KCNQ1: variants seen among roughly 807,000 people sequenced by gnomAD.
The protein encoded by KCNQ1 is potassium voltage-gated channel subfamily Q member 1.
Under a neutral mutation model 72.4 loss-of-function variants are expected in KCNQ1, and 49 were observed. The observed-to-expected ratio is 0.68, with a 90% confidence interval of 0.54 to 0.86. The LOEUF (loss-of-function observed/expected upper bound fraction) is 0.86, where lower values mean the gene tolerates loss of function less well. Among genes scored for constraint, KCNQ1 ranks in the 40% least tolerant of loss-of-function variants. The probability of loss-of-function intolerance (pLI) is 0.00; values close to 1 mark genes in which losing one functional copy is unlikely to be tolerated. For missense variants in KCNQ1, 790 were observed against 945.1 expected, an observed-to-expected ratio of 0.84 and a Z score of 2.15; for synonymous variants, 450 against 412.6, an observed-to-expected ratio of 1.09 and a Z score of -1.10.
chr11:2,783,547 G>A lies in KCNQ1; in HGVS notation c.1794+5510G>A, dbSNP rs916272502. On this transcript the variant is annotated intron_variant, in intron 15 of 15. Transcript: ENST00000155840. The surrounding 1 kb of genome is among the most constrained non-coding windows in gnomAD (Gnocchi z 5.2). ...GATCTATTATTACTGAGAAGGCATA[G>A]GGCAAATTTCTGTTTAACTTTCTAA... is the stretch of plus-strand genomic sequence containing the variant. Among the ~76,000 whole-genome samples, 2 of 152,034 alleles carry A rather than the reference G, an allele frequency of 1.3e-5. No homozygotes were observed. Among genetic ancestry groups the A allele is most frequent in the Non-Finnish European group, 2.9e-5 (2 of 67,932 alleles).
At chr11:2,469,964 T>A (rs1002724151) in intron 1 of KCNQ1, among the ~76,000 whole-genome samples, 2 of 152,108 alleles carry the variant, frequency 1.3e-5, no homozygotes, top group African/African-American at 4.8e-5. Flanking sequence ...CCGGCCCTTT[T>A]AAACAACTTG....
In KCNQ1 at chr11:2,785,247, T is replaced by C. The variant is rs952077825; in HGVS notation, c.1794+7210T>C. On this transcript the variant is annotated intron_variant, in intron 15 of 15. Coordinates refer to ENST00000155840, the MANE Select transcript of KCNQ1 (RefSeq NM_000218.3). This position sits in a 1 kb window ranked among gnomAD's most constrained non-coding sequence, Gnocchi z 4.4. ...GCTCTTTCTGTGTCTAGTGAGATGGTCCTGTGGTTTTTATTCCTTATTCTA... is the reference window on the plus strand; with the variant it reads ...GCTCTTTCTGTGTCTAGTGAGATGGCCCTGTGGTTTTTATTCCTTATTCTA... 1.2e-4 allele frequency among the ~76,000 whole-genome samples: 19 copies of C among 152,014 alleles called. No homozygotes were observed. The highest frequency in any genetic ancestry group is 4.1e-4 in the African/African-American group (17 of 41,450).
chr11:2,755,451 C>G (rs1846284424), intron 11 of KCNQ1, among the ~76,000 whole-genome samples: 1 of 152,186 alleles, frequency 6.6e-6, no homozygotes, highest in Non-Finnish European at 1.5e-5. Context: ...TGGAGTCTCT[C>G]TATGTTGCCT....
At position 2,567,345 on chromosome 11, in the gene KCNQ1, G is replaced by C. The variant is rs1848262658; in HGVS notation, c.478-3283G>C. The stretch of plus-strand genomic sequence containing the variant: ...CTGGGGTCTGGACTGCTGGAACCAG[G>C]GGGAGGCAGGCCTGCCATTCTGTGA... On this transcript the variant is annotated intron_variant, in intron 2 of 15. Coordinates refer to ENST00000155840, the MANE Select transcript of KCNQ1 (RefSeq NM_000218.3). The surrounding 1 kb of genome is among the most constrained non-coding windows in gnomAD (Gnocchi z 6.6). 6.6e-6 allele frequency among the ~76,000 whole-genome samples: 1 copy of C among 152,146 alleles called. No homozygotes were observed.
chr11:2,524,098 C>G (rs756045631), intron 1 of KCNQ1, among the ~76,000 whole-genome samples: 1 of 152,132 alleles, frequency 6.6e-6, no homozygotes, highest in East Asian at 1.9e-4. Flanking sequence ...CTGGGTTACC[C>G]GGGTGAGCCC....
At position 2,562,772 on chromosome 11, in the gene KCNQ1, G is replaced by A. The variant is rs547955952; in HGVS notation, c.478-7856G>A. 2.0e-5 allele frequency among the ~76,000 whole-genome samples: 3 copies of A among 152,252 alleles called. No individual in the cohort carries two copies. The highest frequency in any genetic ancestry group is 2.9e-5 in the Non-Finnish European group (2 of 68,018). On this transcript the variant is annotated intron_variant, in intron 2 of 15. Transcript: ENST00000155840. The surrounding 1 kb of genome is among the most constrained non-coding windows in gnomAD (Gnocchi z 7.5). ...TCCCCAGGCCTAAGTCTATGGGGGCGCCAGGGAGGCCGGCTGTGTTTCTGC... is the reference window on the plus strand; with the variant it reads ...TCCCCAGGCCTAAGTCTATGGGGGCACCAGGGAGGCCGGCTGTGTTTCTGC...
At position 2,752,628 on chromosome 11, in the gene KCNQ1, A is replaced by G. The variant is rs551315895; in HGVS notation, c.1515-16216A>G. Among the ~76,000 whole-genome samples the G allele has an allele frequency of 6.6e-6, 1 of 152,030 alleles. No homozygotes were observed. The highest frequency in any genetic ancestry group is 1.5e-5 in the Non-Finnish European group (1 of 68,010). ...GCAGAAGAGGCAAAAATAAGGTGCA[A>G]ACAAGCTCCCTCAGGCCTCCTTTCC... On this transcript the variant is annotated intron_variant, in intron 11 of 15. Coordinates refer to ENST00000155840, the MANE Select transcript of KCNQ1 (RefSeq NM_000218.3). The surrounding 1 kb of genome is among the most constrained non-coding windows in gnomAD (Gnocchi z 5.2).
intron 15 of KCNQ1, among the ~76,000 whole-genome samples, chr11:2,791,828 C>A (rs1387908530): frequency 6.6e-6 from 1 of 152,132 alleles, no homozygotes; most frequent in Non-Finnish European, 1.5e-5. Context: ...CCTGCCCTGG[C>A]TCCGAGCCCG....
chr11:2,736,376 G>A (rs1007693399), intron 11 of KCNQ1, among the ~76,000 whole-genome samples: 12 of 152,344 alleles, frequency 7.9e-5, no homozygotes, highest in Admixed American at 7.8e-4. Flanking sequence ...GAGGGCCCAG[G>A]TCCCAGGCCT....
intron 11 of KCNQ1, among the ~76,000 whole-genome samples, chr11:2,705,787 G>T (rs1269090398): frequency 6.6e-6 from 1 of 152,182 alleles, no homozygotes; most frequent in African/African-American, 2.4e-5. Context: ...CATCCCTGTC[G>T]CTCTGGTGGT....
chr11:2,814,848 A>G (rs1847582519), intron 15 of KCNQ1, among the ~76,000 whole-genome samples: 3 of 152,052 alleles, frequency 2.0e-5, no homozygotes, highest in African/African-American at 7.2e-5. Flanking sequence ...CTAGGTCTTG[A>G]CTCTGGACTC....
chr11:2,640,628 G>A (rs189431488), intron 10 of KCNQ1: 158 of 396,754 alleles, frequency 4.0e-4, no homozygotes, highest in African/African-American at 2.1e-3. Context: ...TACATGCATC[G>A]AATGTGTAAT....
chr11:2,563,759 T>C lies in KCNQ1; in HGVS notation c.478-6869T>C, dbSNP rs1848207875. On this transcript the variant is annotated intron_variant, in intron 2 of 15. Transcript: ENST00000155840. This position sits in a 1 kb window ranked among gnomAD's most constrained non-coding sequence, Gnocchi z 7.4. ...TTAGGGGAATTTTACAGCTTGCCTG[T>C]GTTTTTCCACCCAGGGCCCTTTGCA... Among the ~76,000 whole-genome samples the C allele has an allele frequency of 6.6e-6, 1 of 152,250 alleles. No individual in the cohort carries two copies. Among genetic ancestry groups the C allele is most frequent in the African/African-American group, 2.4e-5 (1 of 41,466 alleles).
intron 11 of KCNQ1, chr11:2,665,204 C>T (rs927491514): frequency 1.5e-5 from 6 of 398,588 alleles, no homozygotes; most frequent in East Asian, 3.6e-5. Context: ...ACCTTTCAGG[C>T]AGAAGCTGTC....
Position 2,662,033 on chromosome 11 carries a change from T to C in KCNQ1, c.1466T>C (p.Leu489Pro). 1.2e-6 allele frequency: 2 copies of C among 1,614,200 alleles called. No individual in the cohort carries two copies. Among genetic ancestry groups the C allele is most frequent in the Non-Finnish European group, 1.7e-6 (2 of 1,180,024 alleles). ...AGAACCAACAGCTTCGCCGAGGACCTGGACCTGGAAGGGGAGACTCTGCTG... is the reference window on the plus strand; with the variant it reads ...AGAACCAACAGCTTCGCCGAGGACCCGGACCTGGAAGGGGAGACTCTGCTG... Reference protein sequence around the residue: ...FMRTNSFAEDLDLEGETLLTP... With the variant: ...FMRTNSFAEDPDLEGETLLTP... The change falls in exon 11 of 16, where the codon CTG (leucine) becomes CCG (proline). Residue 489 changes from leucine to proline, a missense_variant. Leu to Pro is a moderately conservative substitution (Grantham distance 98). Transcript: ENST00000155840.
intron 15 of KCNQ1, among the ~76,000 whole-genome samples, chr11:2,797,177 G>T (rs528186104): frequency 6.6e-6 from 1 of 152,178 alleles, no homozygotes; most frequent in Non-Finnish European, 1.5e-5. Flanking sequence ...GTGGCGGGGG[G>T]GAGGCCCTGT....
intron 2 of KCNQ1, among the ~76,000 whole-genome samples, chr11:2,556,561 A>G (rs1413144644): frequency 2.0e-5 from 3 of 152,210 alleles, no homozygotes; most frequent in Admixed American, 6.5e-5. Flanking sequence ...TGCAACAGAA[A>G]TCGCGTGGCC....
intron 10 of KCNQ1, chr11:2,641,446 T>A (rs1447750424): frequency 2.5e-6 from 1 of 398,288 alleles, no homozygotes; most frequent in South Asian, 1.3e-4. Context: ...TTTTGAGAAA[T>A]ATCTATCCAT....
rs1846705349 is a variant in KCNQ1 at position 2,484,554 on chromosome 11, G to A, written c.386+39070G>A. On this transcript the variant is annotated intron_variant, in intron 1 of 15. Transcript: ENST00000155840. The surrounding 1 kb of genome is among the most constrained non-coding windows in gnomAD (Gnocchi z 5.2). ...CTTCCATGCCCCTTTGGTGGGCCCTGTCTTTTCTTGGACACTGCCTTCCTG... is the reference window on the plus strand; with the variant it reads ...CTTCCATGCCCCTTTGGTGGGCCCTATCTTTTCTTGGACACTGCCTTCCTG... Among the ~76,000 whole-genome samples the A allele has an allele frequency of 6.6e-6, 1 of 152,238 alleles. No homozygotes were observed. The highest frequency in any genetic ancestry group is 1.5e-5 in the Non-Finnish European group (1 of 68,042).
Sources: gnomAD v4.1 joint callset for allele counts (sites outside exome capture counted in the v4.1 genomes callset) on GRCh38, gnomAD v4.1.1 for gene constraint, Gnocchi (gnomAD v3.1) non-coding constraint, MANE v1.5 for transcripts, NCBI Gene and HGNC (gene_info 2026-07-23, HGNC 2026-07-21) for gene names.